The following CSMD3 variants were observed in gnomAD, a reference collection of about 807,000 sequenced individuals.
CSMD3 encodes CUB and Sushi multiple domains 3.
CSMD3 carries 177 observed loss-of-function variants against 435.2 expected under a neutral mutation model. The observed-to-expected ratio is 0.41, with a 90% CI of 0.36 to 0.46. The LOEUF (loss-of-function observed/expected upper bound fraction) is 0.46, where lower values mean the gene tolerates loss of function less well. Ranked by LOEUF, CSMD3 falls within the 20% of genes least tolerant of loss-of-function variation. CSMD3 has a pLI of 0.34. For synonymous variants in CSMD3, 1,656 were observed against 1,520.5 expected (o/e 1.09, Z -2.07); for missense variants, 4,265 against 4,504.6 (o/e 0.95, Z 1.52).
chr8:113,383,659 A>AT (rs937954758), intron 1 of CSMD3, among the ~76,000 whole-genome samples: 1 of 152,154 alleles, frequency 6.6e-6, no homozygotes, highest in African/African-American at 2.4e-5. Flanking sequence ...CTAAGTAGTG[A>AT]TTTTAGGGTT....
At chr8:112,465,117 G>A (rs1288809996) in intron 32 of CSMD3, among the ~76,000 whole-genome samples, 1 of 152,210 alleles carries the variant, frequency 6.6e-6, no homozygotes, top group Non-Finnish European at 1.5e-5. Flanking sequence ...TTTAGAAAAA[G>A]TATTTAGAGA....
At chr8:112,844,165 AC>A (rs2080255218) in intron 11 of CSMD3, among the ~76,000 whole-genome samples, 1 of 151,992 alleles carries the variant, frequency 6.6e-6, no homozygotes, top group Admixed American at 6.6e-5. Context: ...CCTGTCACAT[AC>A]ACTCAATTCA....
chr8:112,805,277 G>A (rs1587349171), intron 12 of CSMD3, among the ~76,000 whole-genome samples: 1 of 152,078 alleles, frequency 6.6e-6, no homozygotes, highest in Non-Finnish European at 1.5e-5. Context: ...GGGGTATTCC[G>A]AAAAGCAGCT....
chr8:113,396,083 A>G (rs1319464028), intron 1 of CSMD3, among the ~76,000 whole-genome samples: 1 of 152,160 alleles, frequency 6.6e-6, no homozygotes, highest in Non-Finnish European at 1.5e-5. Context: ...TAAATTAACT[A>G]TGCTATATTT....
intron 10 of CSMD3, among the ~76,000 whole-genome samples, chr8:112,894,623 T>C: frequency 6.6e-6 from 1 of 151,390 alleles, no homozygotes; most frequent in South Asian, 2.1e-4. Context: ...GTATAATATC[T>C]GATATATATA....
At chr8:112,296,498 G>A (rs1254894975) in intron 53 of CSMD3, among the ~76,000 whole-genome samples, 1 of 151,212 alleles carries the variant, frequency 6.6e-6, no homozygotes, top group Admixed American at 6.6e-5. Context: ...TGCAGTGAGC[G>A]CAGATCGCGC....
At chr8:113,243,487 TTTATTTTTAATC>T (rs1169777568) in intron 3 of CSMD3, among the ~76,000 whole-genome samples, 4 of 152,042 alleles carry the variant, frequency 2.6e-5, no homozygotes, top group African/African-American at 9.7e-5. Flanking sequence ...AATATGTCAA[TTTATTTTTAATC>T]CAGTCATCAG....
chr8:113,007,782 A>G (rs1227304790), intron 6 of CSMD3, among the ~76,000 whole-genome samples: 1 of 151,988 alleles, frequency 6.6e-6, no homozygotes, highest in African/African-American at 2.4e-5. Context: ...ACCTAAGGTT[A>G]TAACTAAAAT....
chr8:113,385,496 A>G (rs1306613666), intron 1 of CSMD3, among the ~76,000 whole-genome samples: 1 of 152,098 alleles, frequency 6.6e-6, no homozygotes, highest in Non-Finnish European at 1.5e-5. Flanking sequence ...CCAGGTCTCA[A>G]CACTGATTGG....
intron 6 of CSMD3, among the ~76,000 whole-genome samples, chr8:113,004,145 G>A (rs72683819): frequency 0.019 from 2,936 of 151,990 alleles, 51 homozygotes; most frequent in Non-Finnish European, 0.027. Context: ...ACTATGAGTA[G>A]TTTTAAAACA....
chr8:112,497,448 C>T (rs1438468066), intron 30 of CSMD3, among the ~76,000 whole-genome samples: 1 of 149,548 alleles, frequency 6.7e-6, no homozygotes, highest in African/African-American at 2.5e-5. Flanking sequence ...ACACATTGTG[C>T]ACCTGTATCA....
At chr8:112,516,159 TAAAACTTGATAC>T (rs774284307) in intron 28 of CSMD3, among the ~76,000 whole-genome samples, 13 of 152,128 alleles carry the variant, frequency 8.5e-5, no homozygotes, top group Non-Finnish European at 1.6e-4. Context: ...ATTCTCCCTC[TAAAACTTGATAC>T]ATTTGCATGT....
At chr8:113,360,577 T>A (rs1364913326) in intron 1 of CSMD3, among the ~76,000 whole-genome samples, 1 of 135,664 alleles carries the variant, frequency 7.4e-6, no homozygotes, top group Non-Finnish European at 1.5e-5. Context: ...AGTCTTTTTT[T>A]TTTTTTTTTT....
At chr8:112,443,901 A>T (rs1388361227) in intron 32 of CSMD3, among the ~76,000 whole-genome samples, 1 of 152,150 alleles carries the variant, frequency 6.6e-6, no homozygotes, top group Non-Finnish European at 1.5e-5. Flanking sequence ...ACCCTGCATC[A>T]TTATGTTGAC....
chr8:113,299,068 T>C (rs1049755914), intron 2 of CSMD3, among the ~76,000 whole-genome samples: 15 of 152,166 alleles, frequency 9.9e-5, no homozygotes, highest in African/African-American at 3.4e-4. Context: ...CACAAGTGCA[T>C]TGAGCCAATC....
At chr8:113,021,856 G>A (rs1480532151) in intron 5 of CSMD3, among the ~76,000 whole-genome samples, 1 of 152,052 alleles carries the variant, frequency 6.6e-6, no homozygotes, top group Non-Finnish European at 1.5e-5. Flanking sequence ...ATTTAACAAG[G>A]GTGAAACTAA....
chr8:112,562,351 G>T (rs2131254612), intron 24 of CSMD3, among the ~76,000 whole-genome samples: 1 of 151,470 alleles, frequency 6.6e-6, no homozygotes, highest in Non-Finnish European at 1.5e-5. Flanking sequence ...TATATTTTAA[G>T]TAACTTAAAA....
chr8:112,471,491 GAC>G (rs1160910763), intron 32 of CSMD3, among the ~76,000 whole-genome samples: 24 of 152,262 alleles, frequency 1.6e-4, no homozygotes, highest in South Asian at 2.1e-4. Context: ...TACAAAAACA[GAC>G]ACTTTGCTAA....
At position 112,314,598 on chromosome 8, in the gene CSMD3, T is replaced by C. The variant is rs2130838519; in HGVS notation, c.7380A>G (p.Glu2460=). The C allele has an allele frequency of 6.2e-7, 1 of 1,612,540 alleles. No individual in the cohort carries two copies. The change falls in exon 48 of 71, where the codon GAA becomes GAG. Residue 2460 remains glutamate, a synonymous_variant. Transcript: ENST00000297405. ...PVCQVLCPAN[E]LRLDSTGVIL... is the part of the protein sequence containing the mutation. ...TGACTCCAGTAGAATCTAGCCGTAA[T>C]TCATTGGCAGGACAGAGCACTGTCA...
Sources: gnomAD v4.1 joint callset for allele counts (sites outside exome capture counted in the v4.1 genomes callset) on GRCh38, gnomAD v4.1.1 for gene constraint, MANE v1.5 for transcripts, NCBI Gene and HGNC (gene_info 2026-07-23, HGNC 2026-07-21) for gene names.